NDUFAF5: variants seen among roughly 807,000 people sequenced by gnomAD.
NDUFAF5 encodes the protein arginine-hydroxylase NDUFAF5, mitochondrial.
A neutral mutation model predicts 48.9 loss-of-function variants in NDUFAF5; 34 were observed. The ratio of observed to expected loss-of-function variants is 0.70; its 90% CI spans 0.53 to 0.93. The LOEUF is 0.93. Among genes scored for constraint, NDUFAF5 ranks in the 40% least tolerant of loss-of-function variants. NDUFAF5 has a pLI of 0.00. For missense variants in NDUFAF5, 428 were observed against 427.5 expected (o/e 1.00, Z -0.01); for synonymous variants, 153 against 150.6 (o/e 1.02, Z -0.12).
intron 8 of NDUFAF5, among the ~76,000 whole-genome samples, chr20:13,811,510 A>G (rs909655097): frequency 2.6e-5 from 4 of 152,120 alleles, no homozygotes; most frequent in African/African-American, 9.7e-5. Context: ...CAAACCTTTC[A>G]GTGAATGAGG....
At chr20:13,785,314 G>GGCGGGGCGGCGGGGCT in intron 1 of NDUFAF5, 24 bp downstream of exon 1, 1 of 1,568,036 alleles carries the variant, frequency 6.4e-7, no homozygotes, top group Non-Finnish European at 8.7e-7. Context: ...GCGGCGGGGC[G>GGCGGGGCGGCGGGGCT]GCGGGGCGGG....
At chr20:13,806,454 A>G (rs1600373036) in intron 7 of NDUFAF5, among the ~76,000 whole-genome samples, 4 of 152,228 alleles carry the variant, frequency 2.6e-5, no homozygotes. Context: ...GGTTGCAGTG[A>G]GCCGAGATCG....
At chr20:13,816,617 TTGCCAA>T in intron 9 of NDUFAF5, 71 bp downstream of exon 9, 3 of 1,239,408 alleles carry the variant, frequency 2.4e-6, no homozygotes, top group Non-Finnish European at 3.6e-6. Context: ...TCCCTTCACG[TTGCCAA>T]TGCATTTTCC....
chr20:13,809,633 C>T (rs1985575226), intron 8 of NDUFAF5, among the ~76,000 whole-genome samples: 1 of 152,174 alleles, frequency 6.6e-6, no homozygotes, highest in African/African-American at 2.4e-5. Flanking sequence ...AAATTGTTTG[C>T]CCTTATCTTA....
intron 7 of NDUFAF5, among the ~76,000 whole-genome samples, chr20:13,805,170 C>T (rs896939698): frequency 1.3e-5 from 2 of 151,598 alleles, no homozygotes; most frequent in African/African-American, 4.8e-5. Flanking sequence ...GATGGTGTGG[C>T]GATGTGTAGT....
intron 6 of NDUFAF5, among the ~76,000 whole-genome samples, chr20:13,799,732 A>AGCAGTTCGTTAAATT (rs1158443824): frequency 1.3e-5 from 2 of 150,590 alleles, no homozygotes; most frequent in Admixed American, 6.6e-5. Flanking sequence ...TGATGCCTGG[A>AGCAGTTCGTTAAATT]GCAGTTCGTT....
intron 6 of NDUFAF5, among the ~76,000 whole-genome samples, chr20:13,799,198 T>G (rs905979326): frequency 1.1e-4 from 17 of 152,112 alleles, no homozygotes; most frequent in Non-Finnish European, 2.2e-4. Flanking sequence ...TAGGAGGATT[T>G]GAGTGTCAGG....
chr20:13,814,350 T>G, intron 8 of NDUFAF5: 3 of 763,576 alleles, frequency 3.9e-6, no homozygotes, highest in Non-Finnish European at 5.8e-6. Flanking sequence ...GGATTTTACA[T>G]TTGTGGTGTA....
chr20:13,795,005 C>T, intron 5 of NDUFAF5, 64 bp downstream of exon 5: 1 of 1,194,986 alleles, frequency 8.4e-7, no homozygotes, highest in Non-Finnish European at 1.2e-6. Context: ...TAAAGTTTTG[C>T]TATGAGGCCA....
chr20:13,787,274 T>A, intron 1 of NDUFAF5, 38 bp from the exon 2 acceptor site: 1 of 1,609,982 alleles, frequency 6.2e-7, no homozygotes. Flanking sequence ...AAAAGAGTGT[T>A]ACTTCCCCGT....
In NDUFAF5 at chr20:13,814,493, A is replaced by G. The variant is rs1401641677; in HGVS notation, c.779-1970A>G. On this transcript the variant is annotated intron_variant, in intron 8 of 10. Transcript: ENST00000378106. ...GCTGATGAATGCATGAGAAATTTTC[A>G]AGGCTTTCACAGTGGTCTTAAGGTA... The G allele has an allele frequency of 4.7e-6, 6 of 1,288,220 alleles. No homozygotes were observed. In the African/African-American group the frequency reaches 7.6e-5, roughly 16 times the overall value. The allele number at this position is 1,288,220 out of a possible 1,614,324, so 79.8% of individuals were successfully genotyped here.
chr20:13,788,015 G>A (rs958371523), intron 2 of NDUFAF5, among the ~76,000 whole-genome samples: 3 of 152,104 alleles, frequency 2.0e-5, no homozygotes, highest in East Asian at 1.9e-4. Context: ...CAGACTGACC[G>A]AATTCAAGTG....
chr20:13,790,269 G>A lies in NDUFAF5; in HGVS notation c.327+1617G>A, dbSNP rs572619809. On this transcript the variant is annotated intron_variant, in intron 3 of 10. Coordinates refer to ENST00000378106, the MANE Select transcript of NDUFAF5 (RefSeq NM_024120.5). ...TGATGGGATGTATGAGAGAGACCTGGAAGTATCAACAGAACTTGATGACTG... is the reference window on the plus strand; with the variant it reads ...TGATGGGATGTATGAGAGAGACCTGAAAGTATCAACAGAACTTGATGACTG... Among the ~76,000 whole-genome samples the A allele has an allele frequency of 6.6e-5, 10 of 152,282 alleles. 1 individual carries two copies. In the South Asian group the frequency reaches 1.9e-3, roughly 28 times the overall value.
chr20:13,785,518 A>G (rs1001156632), intron 1 of NDUFAF5, among the ~76,000 whole-genome samples: 1 of 152,244 alleles, frequency 6.6e-6, no homozygotes, highest in East Asian at 1.9e-4. Flanking sequence ...TGAGGCTGAA[A>G]GGACCTTATA....
Position 13,817,539 on chromosome 20 carries a change from C to T in NDUFAF5, c.*329C>T, listed in dbSNP as rs1300841983. ...GACCTTTTACACCTTTTTCATTTGT[C>T]ATACTGTTTTCTTTGCCTTGAAGAG... is the stretch of plus-strand genomic sequence containing the variant. On this transcript the variant is annotated 3_prime_UTR_variant, in exon 11 of 11. Transcript: ENST00000378106. The T allele has an allele frequency of 2.1e-6, 1 of 478,212 alleles. No homozygotes were observed. The highest frequency in any genetic ancestry group is 2.3e-5 in the Admixed American group (1 of 43,310). The allele number at this position is 478,212 out of a possible 1,614,324, so 29.6% of individuals were successfully genotyped here.
chr20:13,793,328 A>G (rs2147508283), intron 4 of NDUFAF5, 101 bp downstream of exon 4: 1 of 1,071,166 alleles, frequency 9.3e-7, no homozygotes, highest in East Asian at 2.5e-5. Flanking sequence ...TTCTTTTCTG[A>G]CACATGAAAA....
intron 8 of NDUFAF5, among the ~76,000 whole-genome samples, chr20:13,809,239 A>G (rs550281443): frequency 9.6e-4 from 146 of 152,338 alleles, no homozygotes; most frequent in African/African-American, 3.4e-3. Context: ...GATGGAACAC[A>G]TTGGTGACTT....
At chr20:13,793,462 G>A (rs930339969) in intron 4 of NDUFAF5, among the ~76,000 whole-genome samples, 4 of 151,322 alleles carry the variant, frequency 2.6e-5, no homozygotes, top group East Asian at 3.9e-4. Flanking sequence ...AACTGTCCCC[G>A]CCCCCCCAAC....
intron 7 of NDUFAF5, among the ~76,000 whole-genome samples, chr20:13,804,319 A>C (rs1167203029): frequency 6.6e-6 from 1 of 151,846 alleles, no homozygotes; most frequent in Non-Finnish European, 1.5e-5. Flanking sequence ...GACTTTGTGG[A>C]CCCCCAAAAA....
Sources: gnomAD v4.1 joint callset for allele counts (sites outside exome capture counted in the v4.1 genomes callset) on GRCh38, gnomAD v4.1.1 for gene constraint, MANE v1.5 for transcripts, NCBI Gene and HGNC (gene_info 2026-07-23, HGNC 2026-07-21) for gene names.